GRID2: variants seen among roughly 807,000 people sequenced by gnomAD.
GRID2 encodes glutamate receptor ionotropic, delta-2.
A neutral mutation model predicts 114.8 loss-of-function variants in GRID2; 33 were observed. That is an observed-to-expected ratio of 0.29 (90% CI 0.22 to 0.38). GRID2 has a LOEUF of 0.38. Ranked by LOEUF, GRID2 falls within the 10% of genes least tolerant of loss-of-function variation. GRID2 has a pLI of 1.00. For synonymous variants in GRID2, 505 were observed against 449.9 expected, an observed-to-expected ratio of 1.12 and a Z score of -1.55; for missense variants, 1,184 against 1,257.7, an observed-to-expected ratio of 0.94 and a Z score of 0.89.
At chr4:93,029,475 C>G (rs1724187553) in intron 2 of GRID2, among the ~76,000 whole-genome samples, 1 of 152,018 alleles carries the variant, frequency 6.6e-6, no homozygotes, top group Non-Finnish European at 1.5e-5. Context: ...TACATTGTAA[C>G]ACTACATGTA....
intron 8 of GRID2, among the ~76,000 whole-genome samples, chr4:93,335,694 C>CTT (rs55823712): frequency 2.8e-5 from 4 of 141,750 alleles, no homozygotes; most frequent in Non-Finnish European, 4.6e-5. Flanking sequence ...TTTCTTCTTT[C>CTT]TTTTTTTTTT....
intron 14 of GRID2, among the ~76,000 whole-genome samples, chr4:93,696,893 C>T (rs1419646477): frequency 1.3e-5 from 2 of 152,158 alleles, no homozygotes; most frequent in Admixed American, 6.5e-5. Flanking sequence ...CCTTTACAGG[C>T]TTCTACAGAG....
intron 14 of GRID2, among the ~76,000 whole-genome samples, chr4:93,725,305 A>C (rs1384705034): frequency 1.3e-5 from 2 of 152,154 alleles, no homozygotes; most frequent in African/African-American, 4.8e-5. Flanking sequence ...CCTTCAAAGA[A>C]CATGAACTCA....
intron 13 of GRID2, among the ~76,000 whole-genome samples, chr4:93,612,348 G>C (rs1241572781): frequency 6.6e-6 from 1 of 150,430 alleles, no homozygotes; most frequent in African/African-American, 2.4e-5. Flanking sequence ...ATTTGATCCT[G>C]TCATTATGAT....
rs576066471 is a variant in GRID2 at position 92,957,353 on chromosome 4, A to G, written c.245-127642A>G. On this transcript the variant is annotated intron_variant, in intron 2 of 15. Transcript: ENST00000282020. ...TAAAAGGTGTAAGGTTTATGTTTAG[A>G]TTCATTTTTCTCCAGGTGGTTGTCT... Among the ~76,000 whole-genome samples, 22 of 152,062 alleles carry G rather than the reference A, an allele frequency of 1.4e-4. No individual in the cohort carries two copies. In the South Asian group the frequency reaches 4.4e-3, roughly 30 times the overall value.
rs185704562 is a variant in GRID2 at position 93,725,059 on chromosome 4, G to T, written c.2361-44151G>T. Among the ~76,000 whole-genome samples the T allele has an allele frequency of 2.3e-3, 356 of 152,202 alleles. 4 individuals are homozygous for T. The highest frequency in any genetic ancestry group is 0.014 in the Middle Eastern group (4 of 294). On this transcript the variant is annotated intron_variant, in intron 14 of 15. Transcript: ENST00000282020. The stretch of plus-strand genomic sequence containing the variant: ...GCAGGTTTGTTACATATGTATACAT[G>T]TGCCATGTTGGTGTGCTGCACCCAT...
At chr4:92,720,730 A>G (rs1455180312) in intron 2 of GRID2, among the ~76,000 whole-genome samples, 1 of 152,036 alleles carries the variant, frequency 6.6e-6, no homozygotes, top group African/African-American at 2.4e-5. Flanking sequence ...GATATGTACT[A>G]CTTTTTTCAG....
intron 1 of GRID2, among the ~76,000 whole-genome samples, chr4:92,480,794 C>T (rs530672275): frequency 6.6e-6 from 1 of 152,176 alleles, no homozygotes; most frequent in Admixed American, 6.6e-5. Flanking sequence ...TTGGGGGTGC[C>T]ATCCCTCAAC....
intron 2 of GRID2, among the ~76,000 whole-genome samples, chr4:92,643,147 G>A (rs1731443610): frequency 6.6e-6 from 1 of 151,668 alleles, no homozygotes; most frequent in Non-Finnish European, 1.5e-5. Context: ...AATGACCTTG[G>A]TAGTTTGATA....
At chr4:93,310,991 A>G (rs942633537) in intron 8 of GRID2, among the ~76,000 whole-genome samples, 1 of 152,184 alleles carries the variant, frequency 6.6e-6, no homozygotes, top group Non-Finnish European at 1.5e-5. Flanking sequence ...CCACATGCAC[A>G]TGTTGAATAA....
chr4:93,504,704 A>T (rs549568790), intron 12 of GRID2, among the ~76,000 whole-genome samples: 2 of 152,192 alleles, frequency 1.3e-5, no homozygotes, highest in African/African-American at 4.8e-5. Context: ...AAATGACCAG[A>T]GTAACCTAGC....
intron 13 of GRID2, among the ~76,000 whole-genome samples, chr4:93,595,670 C>G (rs140492515): frequency 1.3e-5 from 2 of 152,240 alleles, no homozygotes; most frequent in South Asian, 4.1e-4. Context: ...ACCTATAGGC[C>G]TTTTATTGCC....
At chr4:92,600,317 G>A (rs1463830948) in intron 2 of GRID2, among the ~76,000 whole-genome samples, 1 of 151,674 alleles carries the variant, frequency 6.6e-6, no homozygotes, top group Non-Finnish European at 1.5e-5. Context: ...TCAGGTGAGA[G>A]AGGGTAACTA....
rs116182591 is a variant in GRID2 at position 92,861,703 on chromosome 4, A to T, written c.245-223292A>T. Among the ~76,000 whole-genome samples, 572 of 152,194 alleles carry T rather than the reference A, an allele frequency of 3.8e-3. 2 individuals carry two copies. Among genetic ancestry groups the T allele is most frequent in the African/African-American group, 0.013 (554 of 41,550 alleles). On this transcript the variant is annotated intron_variant, in intron 2 of 15. Transcript: ENST00000282020. ...GGACTACACAAAATAGATGTTCAAT[A>T]AATATGTGATGAAGGAAGAAATGAA...
intron 2 of GRID2, among the ~76,000 whole-genome samples, chr4:92,624,608 C>T (rs1449223154): frequency 6.6e-6 from 1 of 151,694 alleles, no homozygotes; most frequent in Non-Finnish European, 1.5e-5. Flanking sequence ...GATAACATTA[C>T]ATTTAAACTT....
chr4:92,992,391 C>T (rs1754961164), intron 2 of GRID2, among the ~76,000 whole-genome samples: 1 of 151,906 alleles, frequency 6.6e-6, no homozygotes. Context: ...ATTCTATGAC[C>T]CCTGGAGCCT....
intron 2 of GRID2, among the ~76,000 whole-genome samples, chr4:92,886,680 C>T (rs1746389522): frequency 6.6e-6 from 1 of 152,174 alleles, no homozygotes; most frequent in Non-Finnish European, 1.5e-5. Flanking sequence ...GGCTGGAGCG[C>T]AGCGGAGCGA....
chr4:93,061,181 C>A (rs1727764625), intron 2 of GRID2, among the ~76,000 whole-genome samples: 1 of 141,392 alleles, frequency 7.1e-6, no homozygotes, highest in African/African-American at 2.6e-5. Flanking sequence ...TTTATATATT[C>A]ATCAGGTTTT....
exon 2 of GRID2, chr4:93,808,247 C>CA (rs1735069115): frequency 6.6e-6 from 1 of 152,160 alleles, no homozygotes; most frequent in South Asian, 2.1e-4. Flanking sequence ...AGTCAAAAGA[C>CA]AGAGCTTCAA....
Sources: gnomAD v4.1 joint callset for allele counts (sites outside exome capture counted in the v4.1 genomes callset) on GRCh38, gnomAD v4.1.1 for gene constraint, MANE v1.5 for transcripts, NCBI Gene and HGNC (gene_info 2026-07-23, HGNC 2026-07-21) for gene names.